PRDM4: variants seen among roughly 807,000 people sequenced by gnomAD.
PRDM4 encodes the protein PR domain zinc finger protein 4.
Under a neutral mutation model 62.3 loss-of-function variants are expected in PRDM4, and 38 were observed. The observed-to-expected ratio is 0.61, with a 90% CI of 0.47 to 0.80. The LOEUF (loss-of-function observed/expected upper bound fraction) is 0.80, where lower values mean the gene tolerates loss of function less well. Ranked by LOEUF, PRDM4 falls within the 30% of genes least tolerant of loss-of-function variation. The pLI is 0.00. For synonymous variants in PRDM4, 339 were observed against 348.2 expected (o/e 0.97, Z 0.30); for missense variants, 858 against 997.1 (o/e 0.86, Z 1.88).
At chr12:107,748,956 T>A (rs1197778282) in intron 5 of PRDM4, among the ~76,000 whole-genome samples, 1 of 152,178 alleles carries the variant, frequency 6.6e-6, no homozygotes, top group African/African-American at 2.4e-5. Flanking sequence ...CATTCTTCGA[T>A]TAAAACATTT....
chr12:107,744,786 G>A (rs1890634485), intron 6 of PRDM4, 125 bp from the exon 7 acceptor site: 26 of 1,346,736 alleles, frequency 1.9e-5, no homozygotes, highest in African/African-American at 5.8e-5. Context: ...TAGGCTGGGC[G>A]TGGTGGCTCA....
chr12:107,739,883 A>C (rs1428019699), intron 10 of PRDM4, among the ~76,000 whole-genome samples: 2 of 149,762 alleles, frequency 1.3e-5, no homozygotes, highest in Non-Finnish European at 3.0e-5. Flanking sequence ...AAAAAAAAAA[A>C]CTCATGAATT....
chr12:107,748,137 G>A (rs189945417), intron 5 of PRDM4, among the ~76,000 whole-genome samples: 4 of 152,010 alleles, frequency 2.6e-5, no homozygotes, highest in East Asian at 1.9e-4. Flanking sequence ...CTGAGATTGC[G>A]CTACTGCACA....
At chr12:107,738,802 A>G (rs1890416914) in intron 11 of PRDM4, among the ~76,000 whole-genome samples, 1 of 152,238 alleles carries the variant, frequency 6.6e-6, no homozygotes, top group Non-Finnish European at 1.5e-5. Flanking sequence ...CAACGTGAAT[A>G]TAACTAACAC....
At chr12:107,748,092 T>C (rs1890772363) in intron 5 of PRDM4, among the ~76,000 whole-genome samples, 1 of 152,108 alleles carries the variant, frequency 6.6e-6, no homozygotes, top group Admixed American at 6.6e-5. Context: ...GGTGGAAGGA[T>C]GGCTTGAACC....
At chr12:107,746,486 A>AC in intron 5 of PRDM4, 62 bp from the exon 6 acceptor site, 12 of 1,290,112 alleles carry the variant, frequency 9.3e-6, no homozygotes, top group Non-Finnish European at 1.2e-5. Context: ...AATTACCACC[A>AC]CGGTTTTTTT....
intron 11 of PRDM4, among the ~76,000 whole-genome samples, chr12:107,737,205 C>T (rs1192644212): frequency 6.6e-6 from 1 of 151,910 alleles, no homozygotes; most frequent in Non-Finnish European, 1.5e-5. Flanking sequence ...GGGAACTCCT[C>T]TTGCATTTGG....
rs1036834548 is a variant in PRDM4, at chr12:107,753,956, AGGTGAG to A, written c.293_298del (p.Pro98_His99del). The A allele has an allele frequency of 3.1e-6, 5 of 1,613,964 alleles. No individual in the cohort carries two copies. Among genetic ancestry groups the A allele is most frequent in the Non-Finnish European group, 4.2e-6 (5 of 1,179,998 alleles). On this transcript the variant is annotated inframe_deletion, in exon 4 of 12. Transcript: ENST00000228437. ...AATGGTTCTGAAATAACTGCTCTCC[AGGTGAG>A]GGTAAGGTGGTGGAGGTAGGGTGTA...
chr12:107,742,055 A>G (rs904404171), intron 9 of PRDM4, among the ~76,000 whole-genome samples, 166 bp downstream of exon 9: 1 of 152,208 alleles, frequency 6.6e-6, no homozygotes, highest in African/African-American at 2.4e-5. Flanking sequence ...CAGCTTGTGA[A>G]GAATCTCACA....
At chr12:107,746,851 A>G (rs1485641585) in intron 5 of PRDM4, among the ~76,000 whole-genome samples, 1 of 152,198 alleles carries the variant, frequency 6.6e-6, no homozygotes, top group African/African-American at 2.4e-5. Context: ...TAATAGAGAT[A>G]TTCTTATCAA....
At chr12:107,742,763 C>CT (rs750002269) in intron 8 of PRDM4, among the ~76,000 whole-genome samples, 24,786 of 120,462 alleles carry the variant, frequency 0.21, 3,165 homozygotes, top group East Asian at 0.59. Flanking sequence ...TGGTAAGTGC[C>CT]TTTTTTTTTT....
At chr12:107,734,601 A>G in intron 11 of PRDM4, 79 bp from the exon 12 acceptor site, 3 of 1,388,096 alleles carry the variant, frequency 2.2e-6, no homozygotes, top group South Asian at 2.7e-5. Flanking sequence ...TCATAGCCGC[A>G]GGCCTTTGTC....
chr12:107,743,561 A>T (rs1055115193), intron 7 of PRDM4, among the ~76,000 whole-genome samples: 3 of 152,226 alleles, frequency 2.0e-5, no homozygotes, highest in African/African-American at 7.2e-5. Context: ...ACAAAAAACC[A>T]GTCTACCTGT....
Position 107,754,120 on chromosome 12 carries a change from A to G in PRDM4, c.146-11T>C. ...TTGCCACTGGGAGGCCTACAAAACA[A>G]AATTTTTTTTCTCAGTTAAAAGAAA... On this transcript the variant is annotated splice_polypyrimidine_tract_variant and intron_variant, in intron 3 of 11. Coordinates refer to ENST00000228437, the MANE Select transcript of PRDM4 (RefSeq NM_012406.4). The G allele has an allele frequency of 6.4e-7, 1 of 1,565,050 alleles. No homozygotes were observed. Among genetic ancestry groups the G allele is most frequent in the East Asian group, 2.3e-5 (1 of 44,118 alleles).
intron 6 of PRDM4, among the ~76,000 whole-genome samples, chr12:107,745,532 G>A (rs1043455311): frequency 2.6e-5 from 4 of 151,588 alleles, no homozygotes; most frequent in Non-Finnish European, 5.9e-5. Context: ...TACTCCGTAT[G>A]TTAGGCCAGT....
chr12:107,738,871 TCAGA>T (rs1206943509), intron 11 of PRDM4, among the ~76,000 whole-genome samples: 2 of 108,150 alleles, frequency 1.8e-5, no homozygotes, highest in African/African-American at 3.6e-5. Flanking sequence ...TAACTGCAAT[TCAGA>T]CAAACACACA....
chr12:107,759,792 A>G (rs1220416802), intron 2 of PRDM4: 1 of 152,266 alleles, frequency 6.6e-6, no homozygotes, highest in Admixed American at 6.5e-5. Flanking sequence ...GCAATCCCGG[A>G]AGAAGGCAAG....
intron 4 of PRDM4, 126 bp from the exon 5 acceptor site, chr12:107,752,335 C>T (rs919300247): frequency 1.1e-5 from 8 of 710,388 alleles, no homozygotes; most frequent in East Asian, 5.4e-5. Context: ...TTAATTTAAT[C>T]GATACACACT....
At chr12:107,747,411 A>G (rs1283275211) in intron 5 of PRDM4, among the ~76,000 whole-genome samples, 1 of 152,064 alleles carries the variant, frequency 6.6e-6, no homozygotes, top group African/African-American at 2.4e-5. Context: ...GCTTCACTAT[A>G]AACAAGATGG....
Sources: gnomAD v4.1 joint callset for allele counts (sites outside exome capture counted in the v4.1 genomes callset) on GRCh38, gnomAD v4.1.1 for gene constraint, MANE v1.5 for transcripts, NCBI Gene and HGNC (gene_info 2026-07-23, HGNC 2026-07-21) for gene names.